The following GSDME variants were observed in gnomAD, a reference collection of about 807,000 sequenced individuals.
GSDME encodes gasdermin E, also known as gasdermin-E.
In GSDME, 44 loss-of-function variants were observed where a neutral mutation model predicts 47.5. That is an observed-to-expected ratio of 0.93 (90% CI 0.73 to 1.19). The LOEUF is 1.19. GSDME is among the 50% of genes most tolerant of loss of function. The pLI is 0.00. For synonymous variants in GSDME, 258 were observed against 252.8 expected (o/e 1.02, Z -0.20); for missense variants, 663 against 604.2 (o/e 1.10, Z -1.02).
rs549827677 is a variant in GSDME, at chr7:24,748,122, G to T, written c.211+1442C>A. On this transcript the variant is annotated intron_variant, in intron 2 of 9. Coordinates refer to ENST00000645220, the MANE Select transcript of GSDME (RefSeq NM_001127453.2). ...ACTTAATGTTAAGTAAAAAAATAAG[G>T]AGTGTATAAAAATTATATAGAGTAT... 2.4e-3 allele frequency among the ~76,000 whole-genome samples: 325 copies of T among 137,322 alleles called. 1 individual carries two copies. Among genetic ancestry groups the T allele is most frequent in the Middle Eastern group, 0.011 (3 of 270 alleles). The allele number at this position is 137,322 out of a possible 152,430, so 90.1% of individuals were successfully genotyped here.
rs1315325697 is a variant in GSDME at position 24,732,444 on chromosome 7, TA to T, written c.404+12117del. On this transcript the variant is annotated intron_variant, in intron 3 of 9. Transcript: ENST00000645220. The surrounding 1 kb of genome is among the most constrained non-coding windows in gnomAD (Gnocchi z 4.8). The stretch of plus-strand genomic sequence containing the variant: ...ACACCAAAGTCAACAACTATCTATA[TA>T]AAAAAGCACCTTCATCAGAACCAAA... Among the ~76,000 whole-genome samples, 1 of 152,168 alleles carries T rather than the reference TA, an allele frequency of 6.6e-6. No individual in the cohort carries two copies. Among genetic ancestry groups the T allele is most frequent in the Non-Finnish European group, 1.5e-5 (1 of 68,024 alleles).
chr7:24,734,870 G>A (rs775566207), intron 3 of GSDME, among the ~76,000 whole-genome samples: 45 of 152,284 alleles, frequency 3.0e-4, no homozygotes, highest in Non-Finnish European at 2.9e-4. Context: ...AAAAATAGGG[G>A]TAGAAAGTTT....
the GSDME span, among the ~76,000 whole-genome samples, chr7:24,764,367 A>T: frequency 6.6e-6 from 1 of 152,172 alleles, no homozygotes; most frequent in Non-Finnish European, 1.5e-5. The surrounding 1 kb of genome is among the most constrained non-coding windows in gnomAD (Gnocchi z 4.4). Flanking sequence ...TGTTGGTAGA[A>T]ATGGAATTTT....
At chr7:24,793,648 TCA>T in the GSDME span, among the ~76,000 whole-genome samples, 133 of 152,308 alleles carry the variant, frequency 8.7e-4, 2 homozygotes, top group African/African-American at 3.1e-3. Context: ...TTCACGACTT[TCA>T]CAGACAATTC....
rs117095854 is a variant in GSDME at position 24,750,739 on chromosome 7, T to C, written c.-19-946A>G. 7.5e-3 allele frequency among the ~76,000 whole-genome samples: 1,144 copies of C among 152,330 alleles called. 5 individuals are homozygous for C. The highest frequency in any genetic ancestry group is 0.012 in the Non-Finnish European group (790 of 68,028). On this transcript the variant is annotated intron_variant, in intron 1 of 9. Coordinates refer to ENST00000645220, the MANE Select transcript of GSDME (RefSeq NM_001127453.2). Reference sequence around the variant, plus strand: ...TTTCTCTACACTGTGTGATTTCTCATATTCAGATAATGAAAAGTAAGTAGC... The same window carrying C: ...TTTCTCTACACTGTGTGATTTCTCACATTCAGATAATGAAAAGTAAGTAGC...
At chr7:24,710,429 T>A in intron 5 of GSDME, 41 bp from the exon 6 acceptor site, 1 of 1,609,910 alleles carries the variant, frequency 6.2e-7, no homozygotes, top group Non-Finnish European at 8.5e-7. Flanking sequence ...TAAAGTTGAG[T>A]CTAAGGTGTG....
intron 3 of GSDME, among the ~76,000 whole-genome samples, chr7:24,731,334 C>T (rs1790137763): frequency 6.6e-6 from 1 of 152,222 alleles, no homozygotes; most frequent in Non-Finnish European, 1.5e-5. Context: ...TGGATCAGCA[C>T]TTATTTTGGG....
At chr7:24,764,270 C>G in the GSDME span, among the ~76,000 whole-genome samples, 1 of 152,168 alleles carries the variant, frequency 6.6e-6, no homozygotes, top group African/African-American at 2.4e-5. This position sits in a 1 kb window ranked among gnomAD's most constrained non-coding sequence, Gnocchi z 4.4. Flanking sequence ...TGTGTTTGGT[C>G]TGAATGATGG....
chr7:24,738,745 A>G (rs1292544378), intron 3 of GSDME, among the ~76,000 whole-genome samples: 3 of 152,222 alleles, frequency 2.0e-5, no homozygotes, highest in Non-Finnish European at 2.9e-5. Context: ...CTGCAGAGCT[A>G]TAGTCATTAA....
intron 7 of GSDME, chr7:24,707,307 C>T (rs763342713): frequency 2.3e-5 from 11 of 471,228 alleles, no homozygotes; most frequent in South Asian, 1.2e-4. Flanking sequence ...TATAAAGCCT[C>T]AGCCTTAAGA....
intron 2 of GSDME, among the ~76,000 whole-genome samples, chr7:24,746,528 T>A (rs1482173421): frequency 6.6e-6 from 1 of 152,128 alleles, no homozygotes; most frequent in African/African-American, 2.4e-5. Flanking sequence ...CACAGAAATA[T>A]CATTTTCTAA....
At chr7:24,771,162 T>C in the GSDME span, among the ~76,000 whole-genome samples, 3 of 151,802 alleles carry the variant, frequency 2.0e-5, no homozygotes, top group Admixed American at 6.6e-5. This position sits in a 1 kb window ranked among gnomAD's most constrained non-coding sequence, Gnocchi z 4.1. Context: ...ATATAAGGCA[T>C]GTCAGGTAAC....
intron 1 of GSDME, among the ~76,000 whole-genome samples, chr7:24,753,592 G>A (rs1161408128): frequency 6.6e-6 from 1 of 152,172 alleles, no homozygotes. Flanking sequence ...GTGCTATTCT[G>A]CAGTCTGACC....
chr7:24,770,992 C>T, the GSDME span, among the ~76,000 whole-genome samples: 4 of 151,318 alleles, frequency 2.6e-5, no homozygotes, highest in Non-Finnish European at 5.9e-5. This position sits in a 1 kb window ranked among gnomAD's most constrained non-coding sequence, Gnocchi z 4.6. Flanking sequence ...TTTAGAGCAA[C>T]AATGACAGAA....
the GSDME span, among the ~76,000 whole-genome samples, chr7:24,775,862 G>A: frequency 1.9e-5 from 2 of 103,704 alleles, no homozygotes; most frequent in African/African-American, 4.0e-5. Flanking sequence ...GTGACAGAGT[G>A]AGATTCCATC....
At chr7:24,777,622 T>C in the GSDME span, among the ~76,000 whole-genome samples, 1 of 150,588 alleles carries the variant, frequency 6.6e-6, no homozygotes, top group Admixed American at 6.6e-5. Context: ...CCCAGATCAT[T>C]AGCTTAGCTC....
At chr7:24,752,700 C>T (rs567368465) in intron 1 of GSDME, among the ~76,000 whole-genome samples, 25 of 152,292 alleles carry the variant, frequency 1.6e-4, no homozygotes, top group African/African-American at 6.0e-4. Context: ...TGTGAGAACT[C>T]GTCCTGCTAG....
Position 24,699,088 on chromosome 7 carries a change from A to C in GSDME, c.1429T>G (p.Phe477Val), listed in dbSNP as rs1350016729. ...KAVILKDSKVFPLLLCITLNG... is the reference protein window; with the variant it reads ...KAVILKDSKVVPLLLCITLNG... ...AGGGTTATACAAAGAAGCAGTGGGAAGACTTTAGAGTCCTTCAGAATGACA... is the reference window on the plus strand; with the variant it reads ...AGGGTTATACAAAGAAGCAGTGGGACGACTTTAGAGTCCTTCAGAATGACA... Residue 477 changes from phenylalanine to valine, a missense_variant, in exon 10 of 10, where the codon TTC becomes GTC. Coordinates refer to ENST00000645220, the MANE Select transcript of GSDME (RefSeq NM_001127453.2). 2 of 1,614,076 alleles carry C rather than the reference A, an allele frequency of 1.2e-6. No individual in the cohort carries two copies. The highest frequency in any genetic ancestry group is 1.7e-6 in the Non-Finnish European group (2 of 1,180,038).
At chr7:24,749,105 G>C (rs1421403990) in intron 2 of GSDME, among the ~76,000 whole-genome samples, 1 of 152,140 alleles carries the variant, frequency 6.6e-6, no homozygotes, top group Non-Finnish European at 1.5e-5. Context: ...CAGGCCTGCA[G>C]AATTTTGTTC....
Sources: gnomAD v4.1 joint callset for allele counts (sites outside exome capture counted in the v4.1 genomes callset) on GRCh38, gnomAD v4.1.1 for gene constraint, Gnocchi (gnomAD v3.1) non-coding constraint, MANE v1.5 for transcripts, NCBI Gene and HGNC (gene_info 2026-07-23, HGNC 2026-07-21) for gene names.